MORC1: variants seen among roughly 807,000 people sequenced by gnomAD.
MORC1 encodes MORC family CW-type zinc finger protein 1.
MORC1 carries 59 observed loss-of-function variants against 134.9 expected under a neutral mutation model. That is an observed-to-expected ratio of 0.44 (90% CI 0.35 to 0.54). MORC1 has a LOEUF of 0.54. Among genes scored for constraint, MORC1 ranks in the 20% least tolerant of loss-of-function variants. The probability of loss-of-function intolerance (pLI) is 0.00; values close to 1 mark genes in which losing one functional copy is unlikely to be tolerated. For synonymous variants in MORC1, 395 were observed against 391.7 expected, an observed-to-expected ratio of 1.01 and a Z score of -0.10; for missense variants, 947 against 1,134.5, an observed-to-expected ratio of 0.83 and a Z score of 2.37.
At chr3:109,075,813 GT>G (rs11293841) in intron 8 of MORC1, among the ~76,000 whole-genome samples, 123,805 of 151,474 alleles carry the variant, frequency 0.82, 50,856 homozygotes, top group East Asian at 0.9. Context: ...ATTTAAAATA[GT>G]TTTTTTTTTA....
intron 14 of MORC1, among the ~76,000 whole-genome samples, chr3:109,042,633 T>C (rs912808079): frequency 6.6e-6 from 1 of 152,350 alleles, no homozygotes; most frequent in Middle Eastern, 3.4e-3. Flanking sequence ...TGCACACCCA[T>C]ATTCATTGCA....
intron 27 of MORC1, among the ~76,000 whole-genome samples, chr3:108,960,503 T>C (rs372369093): frequency 1.1e-3 from 160 of 152,338 alleles, no homozygotes; most frequent in African/African-American, 3.8e-3. Context: ...AAAGCAACAG[T>C]GGTCGGTCAA....
chr3:109,088,979 T>C (rs553168620), intron 8 of MORC1, among the ~76,000 whole-genome samples: 1 of 152,208 alleles, frequency 6.6e-6, no homozygotes, highest in South Asian at 2.1e-4. Flanking sequence ...AACTAAATAC[T>C]GCAGGTTCTC....
intron 8 of MORC1, among the ~76,000 whole-genome samples, chr3:109,091,614 G>C (rs544257382): frequency 5.3e-5 from 8 of 152,204 alleles, no homozygotes; most frequent in African/African-American, 1.9e-4. Context: ...CCCCCGAGGA[G>C]GTGGTGATAC....
At chr3:109,026,557 A>G (rs185354516) in intron 17 of MORC1, among the ~76,000 whole-genome samples, 95 of 152,330 alleles carry the variant, frequency 6.2e-4, no homozygotes, top group African/African-American at 2.2e-3. Context: ...AAGAAAAACA[A>G]TGTCCAGAGA....
At chr3:109,023,085 TAAATG>T (rs1406181503) in intron 17 of MORC1, among the ~76,000 whole-genome samples, 1 of 152,238 alleles carries the variant, frequency 6.6e-6, no homozygotes, top group East Asian at 1.9e-4. Context: ...TCCAAGTAGG[TAAATG>T]AAATGAAGGA....
intron 20 of MORC1, among the ~76,000 whole-genome samples, chr3:109,002,386 G>T (rs1382751444): frequency 6.6e-6 from 1 of 152,120 alleles, no homozygotes. Flanking sequence ...GCCAATGTTG[G>T]GCAATTGGCT....
At chr3:108,974,503 T>C (rs1236248918) in intron 24 of MORC1, among the ~76,000 whole-genome samples, 1 of 152,270 alleles carries the variant, frequency 6.6e-6, no homozygotes, top group African/African-American at 2.4e-5. Flanking sequence ...ACAGACACAG[T>C]GAGCCAGGAA....
At chr3:109,092,342 G>A (rs1950746633) in intron 8 of MORC1, among the ~76,000 whole-genome samples, 1 of 152,168 alleles carries the variant, frequency 6.6e-6, no homozygotes, top group Non-Finnish European at 1.5e-5. Context: ...ATCTAAAAGT[G>A]TGTTATCAAA....
intron 14 of MORC1, among the ~76,000 whole-genome samples, chr3:109,041,487 G>A (rs903989249): frequency 7.2e-5 from 11 of 151,916 alleles, no homozygotes; most frequent in South Asian, 2.1e-4. Context: ...CGAGGTGGGC[G>A]GATCACCTGA....
chr3:108,974,172 G>T (rs1947484319), intron 24 of MORC1, among the ~76,000 whole-genome samples: 1 of 152,066 alleles, frequency 6.6e-6, no homozygotes, highest in Non-Finnish European at 1.5e-5. Flanking sequence ...CTCCCTTGGA[G>T]ATTCTGGTCT....
In MORC1 at chr3:109,067,570, C is replaced by T. The variant is rs3804673; in HGVS notation, c.815+2062G>A. 6.7e-3 allele frequency among the ~76,000 whole-genome samples: 1,018 copies of T among 152,276 alleles called. 35 individuals are homozygous for T. The East Asian group carries it at 0.08, about 12-fold the overall frequency. On this transcript the variant is annotated intron_variant, in intron 9 of 27. Transcript: ENST00000232603. The stretch of plus-strand genomic sequence containing the variant: ...AATCCACATTTTCCATGGACTTAAA[C>T]TATTTTTTACCCAAACTCACGAGAG...
intron 26 of MORC1, 70 bp from the exon 27 acceptor site, chr3:108,963,678 A>T: frequency 9.5e-7 from 1 of 1,050,996 alleles, no homozygotes; most frequent in Non-Finnish European, 1.3e-6. Context: ...TCACTAGACA[A>T]TTTCATATTC....
At chr3:109,112,079 G>A (rs534644537) in intron 2 of MORC1, among the ~76,000 whole-genome samples, 9 of 152,260 alleles carry the variant, frequency 5.9e-5, no homozygotes, top group Admixed American at 4.6e-4. Context: ...CACAATAAAT[G>A]TTTAATAAAT....
intron 8 of MORC1, among the ~76,000 whole-genome samples, chr3:109,086,518 G>A (rs4264736): frequency 0.032 from 4,856 of 151,966 alleles, 267 homozygotes; most frequent in African/African-American, 0.11. Context: ...CCTGGTTCGC[G>A]TCCTGGTTAT....
chr3:109,077,667 G>T (rs1219664030), intron 8 of MORC1, among the ~76,000 whole-genome samples: 1 of 151,810 alleles, frequency 6.6e-6, no homozygotes, highest in Non-Finnish European at 1.5e-5. Context: ...AGTGGGGAGA[G>T]AAAAAATAAA....
intron 8 of MORC1, among the ~76,000 whole-genome samples, chr3:109,091,272 G>A (rs374719665): frequency 2.0e-5 from 3 of 151,436 alleles, no homozygotes; most frequent in Non-Finnish European, 2.9e-5. Flanking sequence ...GTGAAACCCC[G>A]TCTCTACTAA....
intron 20 of MORC1, among the ~76,000 whole-genome samples, chr3:109,001,276 G>A (rs1948398730): frequency 6.6e-6 from 1 of 152,070 alleles, no homozygotes; most frequent in African/African-American, 2.4e-5. Context: ...GAGATTACAG[G>A]TGCCCACCAC....
At chr3:109,062,180 C>A in intron 10 of MORC1, 122 bp from the exon 11 acceptor site, 1 of 803,774 alleles carries the variant, frequency 1.2e-6, no homozygotes, top group Non-Finnish European at 2.1e-6. Flanking sequence ...TCTGAGAAAA[C>A]CCTATGTTCC....
Sources: allele counts gnomAD v4.1 joint callset (sites outside exome capture counted in the v4.1 genomes callset), GRCh38; gene constraint gnomAD v4.1.1; transcripts MANE v1.5; gene names NCBI Gene and HGNC (gene_info 2026-07-23, HGNC 2026-07-21).